PKHD1: variants seen among roughly 807,000 people sequenced by gnomAD.
The protein encoded by PKHD1 is fibrocystin.
Under a neutral mutation model 412.0 loss-of-function variants are expected in PKHD1, and 291 were observed. That is an observed-to-expected ratio of 0.71 (90% CI 0.64 to 0.78). The LOEUF is 0.78. Among genes scored for constraint, PKHD1 ranks in the 30% least tolerant of loss-of-function variants. The probability of loss-of-function intolerance (pLI) is 0.00; values close to 1 mark genes in which losing one functional copy is unlikely to be tolerated. For missense variants in PKHD1, 4,825 were observed against 4,950.7 expected (o/e 0.97, Z 0.76); for synonymous variants, 1,777 against 1,821.5 (o/e 0.98, Z 0.62).
chr6:51,768,575 T>C (rs1331269424), intron 55 of PKHD1, among the ~76,000 whole-genome samples: 1 of 151,990 alleles, frequency 6.6e-6, no homozygotes, highest in Non-Finnish European at 1.5e-5. Flanking sequence ...ACTGAGAGTT[T>C]TTCAGATAAT....
intron 37 of PKHD1, among the ~76,000 whole-genome samples, chr6:51,930,994 G>T (rs1786484159): frequency 1.3e-5 from 2 of 152,194 alleles, no homozygotes; most frequent in Non-Finnish European, 2.9e-5. Context: ...TGTGTTTTGT[G>T]TGCCCAACAC....
chr6:51,838,930 C>T (rs1769703245), intron 50 of PKHD1, among the ~76,000 whole-genome samples: 1 of 152,150 alleles, frequency 6.6e-6, no homozygotes, highest in African/African-American at 2.4e-5. Context: ...TAGCACAGTG[C>T]CTGGCACATC....
At position 51,742,724 on chromosome 6, in the gene PKHD1, G is replaced by GTA. The variant is rs1784710727; in HGVS notation, c.10156+1660_10156+1661insTA. 2.0e-5 allele frequency among the ~76,000 whole-genome samples: 3 copies of GTA among 152,122 alleles called. No homozygotes were observed. In the South Asian group the frequency reaches 6.2e-4, roughly 32 times the overall value. On this transcript the variant is annotated intron_variant, in intron 60 of 66. Coordinates refer to ENST00000371117, the MANE Select transcript of PKHD1 (RefSeq NM_138694.4). ...AAAAAAAAAATCCTGCCCTCATGAAGTTTGTGTTCTAAAAAGGATAAACAG... is the reference window on the plus strand; with the variant it reads ...AAAAAAAAAATCCTGCCCTCATGAAGTATTTGTGTTCTAAAAAGGATAAACAG...
intron 60 of PKHD1, among the ~76,000 whole-genome samples, chr6:51,738,192 T>C (rs1030226229): frequency 1.3e-5 from 2 of 152,194 alleles, no homozygotes; most frequent in South Asian, 2.1e-4. Context: ...CTGGCTGCAC[T>C]GCCCGCCTCC....
rs1465591151 is a variant in PKHD1, at chr6:52,058,494, C to A, written c.1341G>T (p.Leu447Phe). The change falls in exon 16 of 67, where the codon TTG (leucine) becomes TTT (phenylalanine). Residue 447 changes from leucine to phenylalanine, a missense_variant. Transcript: ENST00000371117. ...CTTCCAGGTAGTACATGGCTCCACC[C>A]AACAGCTCCAACTTGGGAGTCTTCT... is the stretch of plus-strand genomic sequence containing the variant. ...WQQKTPKLEL[L>F]GGAMYYLEAE... 1 of 1,614,186 alleles carries A rather than the reference C, an allele frequency of 6.2e-7. No homozygotes were observed. Among genetic ancestry groups the A allele is most frequent in the South Asian group, 1.1e-5 (1 of 91,078 alleles).
In PKHD1 at chr6:52,025,562, A is replaced by G. The variant is rs1365219020; in HGVS notation, c.4248T>C (p.Ser1416=). The G allele has an allele frequency of 1.2e-6, 2 of 1,614,084 alleles. No individual in the cohort carries two copies. Among genetic ancestry groups the G allele is most frequent in the Admixed American group, 1.7e-5 (1 of 60,002 alleles). Residue 1416 remains serine (S), a synonymous_variant, in exon 32 of 67, where the codon TCT becomes TCC. Coordinates refer to ENST00000371117, the MANE Select transcript of PKHD1 (RefSeq NM_138694.4). ...ILTVRGLLLN[S]RRRSVRVDLS... ...GGTCAACCCGAACTGACCTCCTTCTAGAGTTAAGAAGCAACCCCCTCACAG... is the reference window on the plus strand; with the variant it reads ...GGTCAACCCGAACTGACCTCCTTCTGGAGTTAAGAAGCAACCCCCTCACAG...
At chr6:51,853,400 T>C (rs565392883) in intron 49 of PKHD1, among the ~76,000 whole-genome samples, 8 of 152,194 alleles carry the variant, frequency 5.3e-5, no homozygotes, top group African/African-American at 1.7e-4. Flanking sequence ...TCTCATGGAG[T>C]TGGGGTTGGT....
intron 52 of PKHD1, among the ~76,000 whole-genome samples, chr6:51,828,665 C>T (rs776870607): frequency 1.3e-5 from 2 of 152,048 alleles, no homozygotes; most frequent in Non-Finnish European, 1.5e-5. Flanking sequence ...GTCTACTTTG[C>T]GCCAGAGTCA....
At position 52,022,067 on chromosome 6, in the gene PKHD1, T is replaced by C. The variant is rs200251795; in HGVS notation, c.5380+734A>G. 2.6e-5 allele frequency among the ~76,000 whole-genome samples: 4 copies of C among 152,220 alleles called. No individual in the cohort carries two copies. In the East Asian group the frequency reaches 7.7e-4, roughly 29 times the overall value. Reference sequence around the variant, plus strand: ...CAAATGTAGTAAGGTCCTGTAGTAATAACAGTAATTTCTTCCTTTTGACTT... The same window carrying C: ...CAAATGTAGTAAGGTCCTGTAGTAACAACAGTAATTTCTTCCTTTTGACTT... On this transcript the variant is annotated intron_variant, in intron 33 of 66. Coordinates refer to ENST00000371117, the MANE Select transcript of PKHD1 (RefSeq NM_138694.4).
At chr6:51,676,240 AT>A in intron 60 of PKHD1, among the ~76,000 whole-genome samples, 1 of 65,764 alleles carries the variant, frequency 1.5e-5, no homozygotes, top group Non-Finnish European at 2.8e-5. Flanking sequence ...AAAAAAAAAA[AT>A]TAAAAGAAAA....
intron 52 of PKHD1, among the ~76,000 whole-genome samples, chr6:51,810,489 C>T (rs1252396250): frequency 2.0e-5 from 3 of 152,056 alleles, no homozygotes; most frequent in Admixed American, 2.0e-4. Context: ...CCTCAGTATC[C>T]CAAGTTTTCC....
chr6:51,644,550 T>C (rs1293846633), intron 63 of PKHD1, among the ~76,000 whole-genome samples: 1 of 152,140 alleles, frequency 6.6e-6, no homozygotes, highest in Non-Finnish European at 1.5e-5. Flanking sequence ...TGGAAGTCAG[T>C]GATTTTGCAG....
intron 35 of PKHD1, among the ~76,000 whole-genome samples, chr6:51,982,200 C>T (rs1444692109): frequency 6.4e-4 from 25 of 39,302 alleles, no homozygotes; most frequent in South Asian, 8.5e-4. Context: ...GGGTCAGCCC[C>T]CCGCCCGGCC....
At chr6:51,818,635 T>G (rs1379178978) in intron 52 of PKHD1, among the ~76,000 whole-genome samples, 2 of 152,244 alleles carry the variant, frequency 1.3e-5, no homozygotes, top group Admixed American at 1.3e-4. Context: ...AGAACTCCAA[T>G]TTTTAGCTGA....
chr6:52,046,260 G>T (rs958402724), intron 23 of PKHD1, 72 bp from the exon 24 acceptor site: 35 of 1,132,940 alleles, frequency 3.1e-5, no homozygotes, highest in Non-Finnish European at 4.4e-5. Flanking sequence ...CATCCTCAAG[G>T]ATAACACGAT....
At chr6:51,935,277 T>C (rs985659552) in intron 36 of PKHD1, among the ~76,000 whole-genome samples, 1 of 152,228 alleles carries the variant, frequency 6.6e-6, no homozygotes, top group Non-Finnish European at 1.5e-5. Flanking sequence ...TCGTTTATAA[T>C]AGAATTATTT....
At chr6:51,680,433 C>T (rs1394130267) in intron 60 of PKHD1, among the ~76,000 whole-genome samples, 1 of 151,874 alleles carries the variant, frequency 6.6e-6, no homozygotes. Context: ...TAACTATTGC[C>T]CCTAGAATCT....
intron 43 of PKHD1, among the ~76,000 whole-genome samples, chr6:51,902,177 AAAGTAC>A (rs1383012344): frequency 6.6e-6 from 1 of 152,216 alleles, no homozygotes; most frequent in African/African-American, 2.4e-5. Context: ...GCTACCCAGA[AAAGTAC>A]ACAAAAACAT....
rs1784548593 is a variant in PKHD1 at position 51,920,659 on chromosome 6, C to T, written c.6122-8083G>A. 2.0e-5 allele frequency among the ~76,000 whole-genome samples: 3 copies of T among 152,152 alleles called. No individual in the cohort carries two copies. The South Asian group carries it at 6.2e-4, about 32-fold the overall frequency. Reference sequence around the variant, plus strand: ...GATAAAATGAGTTAGGGAGGATTCCCTCTTTTTCTATTGATTGGAATAGTT... The same window carrying T: ...GATAAAATGAGTTAGGGAGGATTCCTTCTTTTTCTATTGATTGGAATAGTT... On this transcript the variant is annotated intron_variant, in intron 37 of 66. Transcript: ENST00000371117.
Sources: allele counts gnomAD v4.1 joint callset (sites outside exome capture counted in the v4.1 genomes callset), GRCh38; gene constraint gnomAD v4.1.1; transcripts MANE v1.5; gene names NCBI Gene and HGNC (gene_info 2026-07-23, HGNC 2026-07-21).